GRK3: variants seen among roughly 807,000 people sequenced by gnomAD.
GRK3 encodes G protein-coupled receptor kinase 3.
GRK3 carries 54 observed loss-of-function variants against 95.7 expected under a neutral mutation model. The observed-to-expected ratio is 0.56, with a 90% CI of 0.45 to 0.71. The LOEUF (loss-of-function observed/expected upper bound fraction) is 0.71, where lower values mean the gene tolerates loss of function less well. Ranked by LOEUF, GRK3 falls within the 30% of genes least tolerant of loss-of-function variation. GRK3 has a pLI of 0.00. For synonymous variants in GRK3, 281 were observed against 290.8 expected (o/e 0.97, Z 0.34); for missense variants, 649 against 851.2 (o/e 0.76, Z 2.96).
At chr22:25,682,157 T>G (rs530742466) in intron 9 of GRK3, among the ~76,000 whole-genome samples, 1 of 152,340 alleles carries the variant, frequency 6.6e-6, no homozygotes, top group South Asian at 2.1e-4. Flanking sequence ...AGCATTTATT[T>G]GGTAATGACT....
intron 1 of GRK3, among the ~76,000 whole-genome samples, chr22:25,597,977 G>A (rs538070053): frequency 7.8e-4 from 119 of 152,326 alleles, no homozygotes; most frequent in Non-Finnish European, 1.4e-3. Context: ...TGGAGGAAGT[G>A]TGTTGGGCAG....
At chr22:25,680,709 C>T (rs1339389216) in intron 9 of GRK3, among the ~76,000 whole-genome samples, 7 of 151,914 alleles carry the variant, frequency 4.6e-5, no homozygotes, top group Non-Finnish European at 1.0e-4. Flanking sequence ...ATTTAGATAT[C>T]AAAACTGTAT....
intron 6 of GRK3, among the ~76,000 whole-genome samples, chr22:25,669,985 T>G (rs2084968274): frequency 6.6e-6 from 1 of 152,188 alleles, no homozygotes; most frequent in Admixed American, 6.5e-5. Flanking sequence ...ACCATACTTT[T>G]AAAAAATAGG....
chr22:25,657,248 T>G (rs1453590962), intron 3 of GRK3, among the ~76,000 whole-genome samples: 1 of 152,222 alleles, frequency 6.6e-6, no homozygotes, highest in African/African-American at 2.4e-5. Flanking sequence ...TCTCTTTTGA[T>G]TTTATATCTA....
At position 25,714,534 on chromosome 22, in the gene GRK3, AAGAG is replaced by A; in HGVS notation, c.1621_1624del (p.Arg541LeufsTer25). On this transcript the variant is annotated frameshift_variant, in exon 18 of 21. Coordinates refer to ENST00000324198, the MANE Select transcript of GRK3 (RefSeq NM_005160.4). LOFTEE classifies it high-confidence loss of function. The stretch of plus-strand genomic sequence containing the variant: ...AGACACAGATAAAATCGAGGCCAGG[AAGAG>A]AGCTAAAAATAAGCAACTTGGCCAC... The A allele has an allele frequency of 6.2e-7, 1 of 1,610,464 alleles. No individual in the cohort carries two copies.
chr22:25,676,214 C>G (rs906206997), intron 8 of GRK3, among the ~76,000 whole-genome samples: 4 of 152,140 alleles, frequency 2.6e-5, no homozygotes, highest in African/African-American at 9.7e-5. Context: ...CACTGAAACA[C>G]AGTCCTCTGC....
At chr22:25,651,704 A>G (rs531754333) in intron 3 of GRK3, among the ~76,000 whole-genome samples, 2 of 152,248 alleles carry the variant, frequency 1.3e-5, no homozygotes, top group Non-Finnish European at 2.9e-5. Flanking sequence ...GATGGTATTC[A>G]TTAGGTTTTA....
At chr22:25,687,286 G>A (rs1030642434) in intron 10 of GRK3, among the ~76,000 whole-genome samples, 4 of 152,164 alleles carry the variant, frequency 2.6e-5, no homozygotes, top group African/African-American at 9.7e-5. Context: ...AAGCTGAGCT[G>A]TCAGCCTGAG....
At chr22:25,699,811 G>T (rs1414715413) in intron 13 of GRK3, among the ~76,000 whole-genome samples, 3 of 149,262 alleles carry the variant, frequency 2.0e-5, no homozygotes, top group Non-Finnish European at 4.4e-5. Flanking sequence ...CCATTCTCCT[G>T]CCTCAGCCTT....
intron 9 of GRK3, among the ~76,000 whole-genome samples, chr22:25,681,241 G>A (rs2085071595): frequency 6.6e-6 from 1 of 152,182 alleles, no homozygotes; most frequent in Non-Finnish European, 1.5e-5. Flanking sequence ...CCAGTTCTTA[G>A]TTCTCATACA....
At chr22:25,708,249 C>T (rs1047323745) in intron 15 of GRK3, among the ~76,000 whole-genome samples, 23 of 152,028 alleles carry the variant, frequency 1.5e-4, no homozygotes, top group African/African-American at 5.1e-4. Flanking sequence ...AAACACCACC[C>T]CTAAGCGAGA....
intron 19 of GRK3, among the ~76,000 whole-genome samples, chr22:25,720,467 C>CTTTTT (rs963248407): frequency 8.8e-5 from 9 of 102,572 alleles, no homozygotes; most frequent in African/African-American, 1.5e-4. Context: ...ATACTATAGA[C>CTTTTT]TTTTTTTTTT....
intron 1 of GRK3, among the ~76,000 whole-genome samples, chr22:25,586,186 T>G (rs1932293553): frequency 1.3e-5 from 2 of 152,248 alleles, no homozygotes; most frequent in Admixed American, 1.3e-4. Context: ...TATGCAACAG[T>G]GTTGAAGGTG....
chr22:25,676,498 T>G (rs2085030710), intron 8 of GRK3, among the ~76,000 whole-genome samples: 1 of 152,116 alleles, frequency 6.6e-6, no homozygotes, highest in South Asian at 2.1e-4. Context: ...GAGACTGTCC[T>G]GGCTAACACA....
At chr22:25,601,781 G>GA (rs982304012) in intron 1 of GRK3, among the ~76,000 whole-genome samples, 4 of 151,704 alleles carry the variant, frequency 2.6e-5, no homozygotes, top group Non-Finnish European at 5.9e-5. Context: ...ATATTATACA[G>GA]AAAAAAAAGA....
At position 25,727,974 on chromosome 22, in the gene GRK3, C is replaced by T. The variant is rs1376062623; in HGVS notation, c.*5524C>T. The T allele has an allele frequency of 4.6e-5, 7 of 151,736 alleles. No individual in the cohort carries two copies. The highest frequency in any genetic ancestry group is 7.4e-5 in the Non-Finnish European group (5 of 67,976). The allele number at this position is 151,736 out of a possible 1,614,324, so 9.4% of individuals were successfully genotyped here. ...CTTTTTCTGGATAGCATAAAGATCACTGAACTATATATATATAAGAAACAA... is the reference window on the plus strand; with the variant it reads ...CTTTTTCTGGATAGCATAAAGATCATTGAACTATATATATATAAGAAACAA... On this transcript the variant is annotated 3_prime_UTR_variant, in exon 21 of 21. Transcript: ENST00000324198.
chr22:25,686,662 G>A (rs980350033), intron 10 of GRK3, among the ~76,000 whole-genome samples: 2 of 152,070 alleles, frequency 1.3e-5, no homozygotes, highest in African/African-American at 4.8e-5. Context: ...TGTGTAATTT[G>A]AGGCCATCTG....
At chr22:25,698,067 A>G (rs1001591548) in intron 13 of GRK3, among the ~76,000 whole-genome samples, 1 of 150,836 alleles carries the variant, frequency 6.6e-6, no homozygotes, top group East Asian at 2.0e-4. Context: ...AAGGAAGGAA[A>G]AAAGGAGAGG....
At chr22:25,672,951 TC>T (rs796747623) in intron 7 of GRK3, among the ~76,000 whole-genome samples, 10 of 152,132 alleles carry the variant, frequency 6.6e-5, no homozygotes, top group African/African-American at 2.2e-4. Flanking sequence ...TTTCTTACAT[TC>T]TGTTTTATAA....
Sources: allele counts gnomAD v4.1 joint callset (sites outside exome capture counted in the v4.1 genomes callset), GRCh38; gene constraint gnomAD v4.1.1; transcripts MANE v1.5; gene names NCBI Gene and HGNC (gene_info 2026-07-23, HGNC 2026-07-21).